The following MARK2 variants were observed in gnomAD, a reference collection of about 807,000 sequenced individuals.
MARK2 encodes the protein serine/threonine-protein kinase MARK2.
Under a neutral mutation model 89.8 loss-of-function variants are expected in MARK2, and 16 were observed. That is an observed-to-expected ratio of 0.18 (90% confidence interval 0.12 to 0.27). The LOEUF (loss-of-function observed/expected upper bound fraction) is 0.27. Ranked by LOEUF, MARK2 falls within the 10% of genes least tolerant of loss-of-function variation. The pLI is 1.00. For missense variants in MARK2, 621 were observed against 1,049.9 expected, an observed-to-expected ratio of 0.59 and a Z score of 5.65; for synonymous variants, 382 against 399.5, an observed-to-expected ratio of 0.96 and a Z score of 0.52.
Position 63,909,252 on chromosome 11 carries a change from C to CG in MARK2, c.*20dup. Reference sequence around the variant, plus strand: ...TGAAGCTTTAACAGGCTGCCAGGAGCGGGGGCGGCGGGGGCGGGCCAGCTG... The same window carrying CG: ...TGAAGCTTTAACAGGCTGCCAGGAGCGGGGGGCGGCGGGGGCGGGCCAGCTG... On this transcript the variant is annotated 3_prime_UTR_variant, in exon 19 of 19. Transcript: ENST00000402010. 6.4e-7 allele frequency: 1 copy of CG among 1,556,904 alleles called. No individual in the cohort carries two copies. Among genetic ancestry groups the CG allele is most frequent in the Non-Finnish European group, 8.7e-7 (1 of 1,143,354 alleles).
In MARK2 at chr11:63,908,207, C is replaced by T. The variant is rs1384684376; in HGVS notation, c.1962-53C>T. On this transcript the variant is annotated intron_variant, in intron 17 of 18. Transcript: ENST00000402010. ...CCACTCTCATCTGGGTCTGTGGCGG[C>T]GGAAGGAGCGAGAGATCCCAGCACT... is the stretch of plus-strand genomic sequence containing the variant. 1.1e-5 allele frequency: 17 copies of T among 1,502,424 alleles called. No individual in the cohort carries two copies. In the Admixed American group the frequency reaches 1.4e-4, roughly 12 times the overall value. The allele number at this position is 1,502,424 out of a possible 1,614,324, so 93.1% of individuals were successfully genotyped here. A position where few individuals can be genotyped will look rare whatever the true frequency, so the allele number is the denominator to read the frequency against.
Position 63,839,195 on chromosome 11 carries a change from G to T in MARK2, c.-312G>T. 1 of 214,732 alleles carries T rather than the reference G, an allele frequency of 4.7e-6. No homozygotes were observed. The highest frequency in any genetic ancestry group is 1.8e-4 in the South Asian group (1 of 5,628). 13.3% of individuals were successfully genotyped at this position (214,732 alleles called of 1,614,324 possible). A position where few individuals can be genotyped will look rare whatever the true frequency, so the allele number is the denominator to read the frequency against. On this transcript the variant is annotated 5_prime_UTR_variant, in exon 1 of 19. Transcript: ENST00000402010. Reference sequence around the variant, plus strand: ...CGCGGAGCAGTGCCGCTGAGGGCAGGGGAGGAGCGAGGCAGGCGGCCGGCT... The same window carrying T: ...CGCGGAGCAGTGCCGCTGAGGGCAGTGGAGGAGCGAGGCAGGCGGCCGGCT...
chr11:63,882,178 A>G (rs1232422111), intron 1 of MARK2, among the ~76,000 whole-genome samples: 1 of 151,516 alleles, frequency 6.6e-6, no homozygotes, highest in African/African-American at 2.4e-5. Context: ...ATTCTGACCC[A>G]TTCTTTTTTC....
intron 1 of MARK2, among the ~76,000 whole-genome samples, chr11:63,846,019 G>C (rs767201368): frequency 6.6e-6 from 1 of 151,556 alleles, no homozygotes; most frequent in South Asian, 2.1e-4. Flanking sequence ...CACCGCGCCC[G>C]GCATCATTGC....
At chr11:63,872,370 G>C (rs1333216660) in intron 1 of MARK2, among the ~76,000 whole-genome samples, 1 of 152,158 alleles carries the variant, frequency 6.6e-6, no homozygotes, top group African/African-American at 2.4e-5. Flanking sequence ...TTGTAGAAGT[G>C]ACCGTGTTCC....
intron 1 of MARK2, chr11:63,888,541 G>A: frequency 9.8e-7 from 1 of 1,025,260 alleles, no homozygotes; most frequent in Non-Finnish European, 1.2e-6. Context: ...CTCTTTCTCT[G>A]TCTCCCTTCC....
intron 1 of MARK2, among the ~76,000 whole-genome samples, chr11:63,863,751 A>G (rs1376717286): frequency 2.0e-5 from 3 of 149,398 alleles, no homozygotes; most frequent in African/African-American, 7.4e-5. Context: ...GGTGTGAACC[A>G]CTGTGCCCCC....
intron 11 of MARK2, among the ~76,000 whole-genome samples, chr11:63,901,638 C>G (rs1940894265): frequency 6.7e-6 from 1 of 149,242 alleles, no homozygotes; most frequent in African/African-American, 2.5e-5. Flanking sequence ...GCCACCATAC[C>G]CGGCTATTGA....
intron 1 of MARK2, among the ~76,000 whole-genome samples, chr11:63,860,974 A>G (rs1937735078): frequency 6.6e-6 from 1 of 152,198 alleles, no homozygotes; most frequent in Non-Finnish European, 1.5e-5. Context: ...TCGTGTCTAC[A>G]TAGAGGATCA....
chr11:63,854,776 A>G (rs1261963549), intron 1 of MARK2, among the ~76,000 whole-genome samples: 1 of 148,048 alleles, frequency 6.8e-6, no homozygotes, highest in Non-Finnish European at 1.5e-5. Flanking sequence ...GCACCATTGC[A>G]CTCTAGCCTG....
chr11:63,865,746 T>C (rs765807172), intron 1 of MARK2, among the ~76,000 whole-genome samples: 7 of 152,236 alleles, frequency 4.6e-5, no homozygotes, highest in Non-Finnish European at 1.0e-4. Context: ...GTCCTTTTCA[T>C]TGATGTGGCA....
At chr11:63,853,380 CAA>C (rs2016670548) in intron 1 of MARK2, among the ~76,000 whole-genome samples, 1 of 146,924 alleles carries the variant, frequency 6.8e-6, no homozygotes, top group Admixed American at 6.8e-5. Context: ...GCCTGGGCGA[CAA>C]GAGCGAAACT....
chr11:63,879,957 C>A lies in MARK2; in HGVS notation c.55-15202C>A, dbSNP rs115856736. On this transcript the variant is annotated intron_variant, in intron 1 of 18. Coordinates refer to ENST00000402010, the MANE Select transcript of MARK2 (RefSeq NM_001039469.3). ...AGGCATATGTCTTGTTCTGCACTTT[C>A]CAGCAGCAATGCTGGGACTAGGGGG... is the stretch of plus-strand genomic sequence containing the variant. Among the ~76,000 whole-genome samples the A allele has an allele frequency of 8.0e-3, 1,225 of 152,242 alleles. 21 individuals carry two copies. Among genetic ancestry groups the A allele is most frequent in the African/African-American group, 0.028 (1,180 of 41,544 alleles).
intron 1 of MARK2, among the ~76,000 whole-genome samples, chr11:63,893,594 T>A (rs1940102442): frequency 6.6e-6 from 1 of 152,132 alleles, no homozygotes; most frequent in Admixed American, 6.5e-5. Flanking sequence ...TCATATAGTC[T>A]GTGTTTAGCA....
intron 1 of MARK2, among the ~76,000 whole-genome samples, chr11:63,872,181 C>T (rs1591019485): frequency 6.6e-6 from 1 of 152,346 alleles, no homozygotes; most frequent in East Asian, 1.9e-4. Context: ...TAAACAGCAC[C>T]TCTCTGTGGC....
At chr11:63,841,539 CT>C (rs1317480701) in intron 1 of MARK2, among the ~76,000 whole-genome samples, 1 of 152,236 alleles carries the variant, frequency 6.6e-6, no homozygotes, top group Non-Finnish European at 1.5e-5. Flanking sequence ...ATTGCTTTCT[CT>C]GGGCCCTCTT....
intron 7 of MARK2, 133 bp downstream of exon 7, chr11:63,899,241 C>A: frequency 1.5e-6 from 1 of 651,852 alleles, no homozygotes; most frequent in South Asian, 1.8e-5. Flanking sequence ...TTTTTTCTTT[C>A]TTTCTTTCTT....
In MARK2 at chr11:63,910,499, G is replaced by C. The variant is rs1941682853; in HGVS notation, c.*1262G>C. On this transcript the variant is annotated 3_prime_UTR_variant, in exon 19 of 19. Transcript: ENST00000402010. ...TGGGCGTGGGCGGTTTGGGGCGCTTGGCTGGTGGTGGCCACTGCATCCCTT... is the reference window on the plus strand; with the variant it reads ...TGGGCGTGGGCGGTTTGGGGCGCTTCGCTGGTGGTGGCCACTGCATCCCTT... The C allele has an allele frequency of 6.6e-6, 1 of 152,224 alleles. No individual in the cohort carries two copies. The highest frequency in any genetic ancestry group is 2.4e-5 in the African/African-American group (1 of 41,430). 9.4% of individuals were successfully genotyped at this position (152,224 alleles called of 1,614,324 possible). A position where few individuals can be genotyped will look rare whatever the true frequency, so the allele number is the denominator to read the frequency against.
In MARK2 at chr11:63,900,766, T is replaced by G. The variant is rs1940796287; in HGVS notation, c.889-14T>G. The G allele has an allele frequency of 6.2e-7, 1 of 1,614,060 alleles. No individual in the cohort carries two copies. On this transcript the variant is annotated splice_polypyrimidine_tract_variant and intron_variant, in intron 9 of 18. Coordinates refer to ENST00000402010, the MANE Select transcript of MARK2 (RefSeq NM_001039469.3). The surrounding 1 kb of genome is among the most constrained non-coding windows in gnomAD (Gnocchi z 4.7). ...TTTCTTCCCCCTGCCCTTTTCCTTC[T>G]CTGTGCTCCCCAGCAAATCATGAAA...
Sources: gnomAD v4.1 joint callset for allele counts (sites outside exome capture counted in the v4.1 genomes callset) on GRCh38, gnomAD v4.1.1 for gene constraint, Gnocchi (gnomAD v3.1) non-coding constraint, MANE v1.5 for transcripts, NCBI Gene and HGNC (gene_info 2026-07-23, HGNC 2026-07-21) for gene names.